NCKAP5: variants seen among roughly 807,000 people sequenced by gnomAD.
NCKAP5 encodes the protein nck-associated protein 5.
In NCKAP5, 92 loss-of-function variants were observed where a neutral mutation model predicts 167.0. That is an observed-to-expected ratio of 0.55 (90% CI 0.47 to 0.66). The LOEUF (loss-of-function observed/expected upper bound fraction) is 0.66, where lower values mean the gene tolerates loss of function less well. NCKAP5 is among the 30% of genes least tolerant of loss of function. The probability of loss-of-function intolerance (pLI) is 0.00; values close to 1 mark genes in which losing one functional copy is unlikely to be tolerated. For missense variants in NCKAP5, 2,378 were observed against 2,315.0 expected, an observed-to-expected ratio of 1.03 and a Z score of -0.56; for synonymous variants, 891 against 877.4, an observed-to-expected ratio of 1.02 and a Z score of -0.27.
chr2:133,167,408 C>T (rs1033218991), intron 5 of NCKAP5, among the ~76,000 whole-genome samples: 1 of 152,128 alleles, frequency 6.6e-6, no homozygotes. Context: ...GTGTATGATG[C>T]AACAATAATA....
chr2:132,712,037 T>C (rs1688892779), intron 19 of NCKAP5, among the ~76,000 whole-genome samples: 1 of 152,224 alleles, frequency 6.6e-6, no homozygotes, highest in Non-Finnish European at 1.5e-5. Flanking sequence ...ACCTGTGCTC[T>C]GGGCTGCTCC....
chr2:133,067,475 A>T (rs1397504817), intron 6 of NCKAP5, among the ~76,000 whole-genome samples: 1 of 152,268 alleles, frequency 6.6e-6, no homozygotes, highest in Non-Finnish European at 1.5e-5. Flanking sequence ...TGGCCTATGC[A>T]GTAGTCACTA....
chr2:132,995,861 C>A (rs898378023), intron 6 of NCKAP5, among the ~76,000 whole-genome samples: 1 of 151,844 alleles, frequency 6.6e-6, no homozygotes, highest in East Asian at 1.9e-4. Flanking sequence ...TGTAATCCAG[C>A]TACTCCGGAG....
chr2:133,337,384 T>G (rs1683285076), intron 3 of NCKAP5, among the ~76,000 whole-genome samples: 1 of 152,212 alleles, frequency 6.6e-6, no homozygotes, highest in African/African-American at 2.4e-5. Context: ...TGTGCTGCAT[T>G]AATGCTCTGC....
At position 132,914,357 on chromosome 2, in the gene NCKAP5, T is replaced by A. The variant is rs186034220; in HGVS notation, c.580-35441A>T. Among the ~76,000 whole-genome samples the A allele has an allele frequency of 1.2e-3, 177 of 151,010 alleles. 1 individual carries two copies. The highest frequency in any genetic ancestry group is 7.7e-3 in the Admixed American group (116 of 15,118). Reference sequence around the variant, plus strand: ...AACAATTTGATGTTAAAATAATTCATTGTATAGTCTTTTATGATAAAAATT... The same window carrying A: ...AACAATTTGATGTTAAAATAATTCAATGTATAGTCTTTTATGATAAAAATT... On this transcript the variant is annotated intron_variant, in intron 8 of 19. Transcript: ENST00000409261.
the NCKAP5 span, among the ~76,000 whole-genome samples, chr2:133,608,526 G>C: frequency 6.6e-6 from 1 of 152,188 alleles, no homozygotes; most frequent in Non-Finnish European, 1.5e-5. Flanking sequence ...ACCAGGATTA[G>C]AGACAGGGCT....
At chr2:132,910,827 G>GTATA (rs1226351947) in intron 8 of NCKAP5, among the ~76,000 whole-genome samples, 2 of 152,172 alleles carry the variant, frequency 1.3e-5, no homozygotes, top group Non-Finnish European at 2.9e-5. Flanking sequence ...ATTTGGAAAT[G>GTATA]AGACTGTACC....
intron 4 of NCKAP5, among the ~76,000 whole-genome samples, chr2:133,274,731 G>A (rs925480323): frequency 4.6e-5 from 7 of 151,684 alleles, no homozygotes; most frequent in African/African-American, 1.7e-4. Flanking sequence ...TAATTATTGG[G>A]GAAGGATTAC....
In NCKAP5 at chr2:133,312,553, A is replaced by G. The variant is rs79100010; in HGVS notation, c.70-9443T>C. ...AATATCCAGGAAATCCCCAGCCTAA[A>G]GACAAGACACTGCCTATTGTGCACT... On this transcript the variant is annotated intron_variant, in intron 3 of 19. Coordinates refer to ENST00000409261, the MANE Select transcript of NCKAP5 (RefSeq NM_207363.3). Among the ~76,000 whole-genome samples, 560 of 152,238 alleles carry G rather than the reference A, an allele frequency of 3.7e-3. 1 individual carries two copies. The highest frequency in any genetic ancestry group is 6.8e-3 in the Non-Finnish European group (463 of 68,018).
At chr2:132,774,996 C>T (rs540376572) in intron 15 of NCKAP5, among the ~76,000 whole-genome samples, 1 of 151,810 alleles carries the variant, frequency 6.6e-6, no homozygotes, top group African/African-American at 2.4e-5. Flanking sequence ...CCTGTGTAGA[C>T]TTGGACTCAG....
rs567618100 is a variant in NCKAP5 at position 133,124,248 on chromosome 2, T to C, written c.341+5730A>G. Among the ~76,000 whole-genome samples, 229 of 152,292 alleles carry C rather than the reference T, an allele frequency of 1.5e-3. 2 individuals are homozygous for C. The highest frequency in any genetic ancestry group is 2.7e-3 in the Non-Finnish European group (184 of 68,022). ...GATTTTTAACTATCCTGGTCAAATA[T>C]GGGTGGCAAACCTTAATTATTCCCC... On this transcript the variant is annotated intron_variant, in intron 6 of 19. Coordinates refer to ENST00000409261, the MANE Select transcript of NCKAP5 (RefSeq NM_207363.3).
chr2:133,086,767 T>A (rs2149614282), intron 6 of NCKAP5, among the ~76,000 whole-genome samples: 1 of 152,346 alleles, frequency 6.6e-6, no homozygotes, highest in South Asian at 2.1e-4. Flanking sequence ...ACTTTTCATG[T>A]GTGTATCAGC....
intron 19 of NCKAP5, among the ~76,000 whole-genome samples, chr2:132,712,094 G>C (rs1285015745): frequency 1.3e-5 from 2 of 152,090 alleles, no homozygotes; most frequent in Non-Finnish European, 2.9e-5. Flanking sequence ...CACACCCACT[G>C]CCAGTTGGTA....
intron 3 of NCKAP5, among the ~76,000 whole-genome samples, chr2:133,322,800 T>G (rs1365805840): frequency 6.6e-6 from 1 of 152,212 alleles, no homozygotes; most frequent in Non-Finnish European, 1.5e-5. Flanking sequence ...TTAGCAAACC[T>G]CAGCCAGCAC....
intron 3 of NCKAP5, among the ~76,000 whole-genome samples, chr2:133,392,754 A>G (rs938706662): frequency 6.6e-6 from 1 of 151,946 alleles, no homozygotes; most frequent in Non-Finnish European, 1.5e-5. Context: ...TTTTCCCCAA[A>G]CTCTTATATA....
At chr2:132,821,793 A>G (rs1686757664) in intron 11 of NCKAP5, among the ~76,000 whole-genome samples, 1 of 152,052 alleles carries the variant, frequency 6.6e-6, no homozygotes, top group Non-Finnish European at 1.5e-5. Flanking sequence ...AGAGACAGCC[A>G]ACATCCCCTC....
intron 19 of NCKAP5, among the ~76,000 whole-genome samples, chr2:132,706,194 T>C (rs961116237): frequency 6.6e-6 from 1 of 152,164 alleles, no homozygotes; most frequent in Admixed American, 6.5e-5. Context: ...TTTCCTCTGA[T>C]AGAGTCAGGT....
chr2:133,088,531 C>A (rs575491639), intron 6 of NCKAP5, among the ~76,000 whole-genome samples: 47 of 152,142 alleles, frequency 3.1e-4, no homozygotes, highest in Non-Finnish European at 5.0e-4. Flanking sequence ...ACTCTAACCA[C>A]CCAGAGAGAG....
chr2:133,388,440 G>T (rs1169411471), intron 3 of NCKAP5, among the ~76,000 whole-genome samples: 1 of 152,250 alleles, frequency 6.6e-6, no homozygotes, highest in Admixed American at 6.5e-5. Context: ...TGAGGTGTCA[G>T]TCTACCCCTA....
Sources: gnomAD v4.1 joint callset for allele counts (sites outside exome capture counted in the v4.1 genomes callset) on GRCh38, gnomAD v4.1.1 for gene constraint, MANE v1.5 for transcripts, NCBI Gene and HGNC (gene_info 2026-07-23, HGNC 2026-07-21) for gene names.